Variants in DPP6 observed in about 807,000 individuals in gnomAD.
The protein encoded by DPP6 is dipeptidyl peptidase like 6, also known as A-type potassium channel modulatory protein DPP6.
A neutral mutation model predicts 122.6 loss-of-function variants in DPP6; 69 were observed. That is an observed-to-expected ratio of 0.56 (90% CI 0.46 to 0.69). DPP6 has a LOEUF of 0.69. Among genes scored for constraint, DPP6 ranks in the 30% least tolerant of loss-of-function variants. DPP6 has a pLI of 0.00. For synonymous variants in DPP6, 418 were observed against 433.1 expected (o/e 0.97, Z 0.43); for missense variants, 928 against 1,116.9 (o/e 0.83, Z 2.41).
chr7:154,798,110 GCT>G (rs1204661753), intron 12 of DPP6, among the ~76,000 whole-genome samples: 2 of 152,216 alleles, frequency 1.3e-5, no homozygotes, highest in Non-Finnish European at 2.9e-5. Flanking sequence ...TGCACACTCT[GCT>G]TCCCTGTCCC....
chr7:154,320,851 T>C (rs868347167), intron 1 of DPP6, among the ~76,000 whole-genome samples: 2 of 152,224 alleles, frequency 1.3e-5, no homozygotes, highest in African/African-American at 2.4e-5. Context: ...TTAGAGGAGG[T>C]AGTGTTTATT....
chr7:154,298,288 A>T (rs961407749), intron 1 of DPP6, among the ~76,000 whole-genome samples: 1 of 151,658 alleles, frequency 6.6e-6, no homozygotes, highest in African/African-American at 2.4e-5. Flanking sequence ...ACATACACAC[A>T]CTATTGGTTG....
At chr7:154,621,102 A>G (rs901898144) in intron 5 of DPP6, among the ~76,000 whole-genome samples, 2 of 152,262 alleles carry the variant, frequency 1.3e-5, no homozygotes, top group East Asian at 1.9e-4. Flanking sequence ...CTGTTTCCCA[A>G]TGCTAGTCAA....
intron 6 of DPP6, among the ~76,000 whole-genome samples, chr7:154,660,967 T>C: frequency 8.5e-6 from 1 of 116,984 alleles, no homozygotes; most frequent in Non-Finnish European, 1.7e-5. Context: ...CACCATGGCA[T>C]ATTGGCGCTA....
chr7:153,881,020 C>T, the DPP6 span, among the ~76,000 whole-genome samples: 3 of 152,106 alleles, frequency 2.0e-5, no homozygotes, highest in Admixed American at 1.3e-4. Context: ...GCCAATATGC[C>T]TAGGTTTAAA....
intron 10 of DPP6, among the ~76,000 whole-genome samples, chr7:154,790,508 T>A (rs899358865): frequency 2.6e-5 from 4 of 152,194 alleles, no homozygotes; most frequent in African/African-American, 9.6e-5. Flanking sequence ...TAGTGTTTAT[T>A]GTTTTGGGTT....
At chr7:154,724,440 C>T (rs1198282149) in intron 7 of DPP6, among the ~76,000 whole-genome samples, 4 of 152,198 alleles carry the variant, frequency 2.6e-5, no homozygotes, top group Non-Finnish European at 4.4e-5. Context: ...TGATCCTTCT[C>T]CATCTCCATG....
intron 1 of DPP6, among the ~76,000 whole-genome samples, chr7:153,997,560 G>C (rs1797499678): frequency 6.7e-6 from 1 of 148,882 alleles, no homozygotes; most frequent in Admixed American, 6.7e-5. Flanking sequence ...TATAATAGAG[G>C]ATTTTTTTAT....
chr7:154,664,120 G>A (rs1837979229), intron 6 of DPP6, among the ~76,000 whole-genome samples: 1 of 147,224 alleles, frequency 6.8e-6, no homozygotes, highest in Admixed American at 6.9e-5. Flanking sequence ...TAGTCATGGT[G>A]AATCACCATG....
intron 12 of DPP6, among the ~76,000 whole-genome samples, chr7:154,799,795 G>C (rs1323462057): frequency 6.6e-6 from 1 of 152,182 alleles, no homozygotes; most frequent in African/African-American, 2.4e-5. Context: ...AATCAAATGA[G>C]AGACAGAACC....
Position 154,037,439 on chromosome 7 carries a change from T to C in DPP6, c.51+149705T>C, listed in dbSNP as rs1183021172. Among the ~76,000 whole-genome samples, 5 of 150,254 alleles carry C rather than the reference T, an allele frequency of 3.3e-5. No individual in the cohort carries two copies. In the East Asian group the frequency reaches 7.8e-4, roughly 24 times the overall value. On this transcript the variant is annotated intron_variant, in intron 1 of 25. Coordinates refer to the DPP6 transcript ENST00000404039. ...ACTGTTAGCCCTTTGAGCAAATATT[T>C]ATAGAGTTGTTTTTAAAAAATTACT...
intron 1 of DPP6, among the ~76,000 whole-genome samples, chr7:154,351,154 C>T (rs1407849241): frequency 2.0e-5 from 3 of 152,202 alleles, no homozygotes; most frequent in African/African-American, 7.2e-5. Context: ...CTGGTTAATG[C>T]GTCACTGTGC....
At chr7:154,580,174 C>T (rs1348241492) in intron 5 of DPP6, among the ~76,000 whole-genome samples, 4 of 149,142 alleles carry the variant, frequency 2.7e-5, no homozygotes, top group East Asian at 3.9e-4. Flanking sequence ...CACACACACA[C>T]ATGCACACAT....
chr7:154,062,215 G>T lies in DPP6; in HGVS notation c.243+9152G>T, dbSNP rs1479154021. Among the ~76,000 whole-genome samples, 25 of 98,934 alleles carry T rather than the reference G, an allele frequency of 2.5e-4. 5 individuals carry two copies. Among genetic ancestry groups the T allele is most frequent in the Middle Eastern group, 4.8e-3 (1 of 210 alleles). 64.9% of individuals were successfully genotyped at this position (98,934 alleles called of 152,430 possible). On this transcript the variant is annotated intron_variant, in intron 1 of 25. Coordinates refer to ENST00000377770, the MANE Select transcript of DPP6 (RefSeq NM_130797.4). Reference sequence around the variant, plus strand: ...AGGACCCACCTGGAGGACTGCGGGTGTTAGGTGTCCAAGTAGAAAGTTCAA... The same window carrying T: ...AGGACCCACCTGGAGGACTGCGGGTTTTAGGTGTCCAAGTAGAAAGTTCAA...
rs71184038 is a variant in DPP6, at chr7:154,821,628, GTA to G, written c.1666+14533_1666+14534del. ...ATATATATATATATATTTTTTTTCT[GTA>G]TATATATATATATATACACATATAT... On this transcript the variant is annotated intron_variant, in intron 16 of 25. Transcript: ENST00000377770. This position sits in a 1 kb window ranked among gnomAD's most constrained non-coding sequence, Gnocchi z 4.2. Among the ~76,000 whole-genome samples, 276 of 68,292 alleles carry G rather than the reference GTA, an allele frequency of 4.0e-3. No individual in the cohort carries two copies. The Middle Eastern group carries it at 0.069, about 17-fold the overall frequency. The allele number at this position is 68,292 out of a possible 152,430, so 44.8% of individuals were successfully genotyped here. A position where few individuals can be genotyped will look rare whatever the true frequency, so the allele number is the denominator to read the frequency against.
chr7:154,535,816 T>G (rs1172227147), intron 3 of DPP6, among the ~76,000 whole-genome samples: 1 of 152,134 alleles, frequency 6.6e-6, no homozygotes, highest in Non-Finnish European at 1.5e-5. Flanking sequence ...AAAACCTCAG[T>G]GAGATACCAC....
intron 1 of DPP6, among the ~76,000 whole-genome samples, chr7:154,408,934 A>G (rs1004486200): frequency 6.6e-6 from 1 of 152,168 alleles, no homozygotes; most frequent in African/African-American, 2.4e-5. Context: ...TGAGGTCAGG[A>G]GTTCAAGACC....
chr7:153,813,797 T>C, the DPP6 span, among the ~76,000 whole-genome samples: 527 of 151,992 alleles, frequency 3.5e-3, 1 homozygote, highest in African/African-American at 0.012. Context: ...CATTTTTTCA[T>C]GTGTTTTTTG....
intron 1 of DPP6, among the ~76,000 whole-genome samples, chr7:154,256,300 C>T (rs1802655879): frequency 1.3e-5 from 2 of 152,116 alleles, no homozygotes; most frequent in Admixed American, 1.3e-4. Flanking sequence ...AATATTGATC[C>T]ATTTAGTAAG....
Sources: allele counts gnomAD v4.1 joint callset (sites outside exome capture counted in the v4.1 genomes callset), GRCh38; gene constraint gnomAD v4.1.1; non-coding constraint Gnocchi (gnomAD v3.1); transcripts MANE v1.5; gene names NCBI Gene and HGNC (gene_info 2026-07-23, HGNC 2026-07-21).